KCNAB1: variants seen among roughly 807,000 people sequenced by gnomAD.
The protein encoded by KCNAB1 is voltage-gated potassium channel subunit beta-1.
A neutral mutation model predicts 64.6 loss-of-function variants in KCNAB1; 35 were observed. That is an observed-to-expected ratio of 0.54 (90% CI 0.41 to 0.72). The LOEUF (loss-of-function observed/expected upper bound fraction) is 0.72, where lower values mean the gene tolerates loss of function less well. Among genes scored for constraint, KCNAB1 ranks in the 30% least tolerant of loss-of-function variants. The pLI, the probability that KCNAB1 is intolerant of heterozygous loss-of-function variation, is 0.00. For missense variants in KCNAB1, 401 were observed against 512.9 expected (o/e 0.78, Z 2.11); for synonymous variants, 177 against 183.8 (o/e 0.96, Z 0.30).
At chr3:156,472,425 C>T (rs1004678469) in intron 7 of KCNAB1, among the ~76,000 whole-genome samples, 5 of 152,162 alleles carry the variant, frequency 3.3e-5, no homozygotes, top group Admixed American at 2.0e-4. Flanking sequence ...CCTCCTCACT[C>T]GACCCTCCCC....
chr3:156,143,569 G>GTTTTTTTGTT lies in KCNAB1; in HGVS notation c.275+22690_275+22691insGTTTTTTTTT, dbSNP rs1553807970. 469 of 296,882 alleles carry GTTTTTTTGTT rather than the reference G, an allele frequency of 1.6e-3. 4 individuals are homozygous for GTTTTTTTGTT. The highest frequency in any genetic ancestry group is 1.9e-3 in the Non-Finnish European group (328 of 171,436). 18.4% of individuals were successfully genotyped at this position (296,882 alleles called of 1,614,324 possible). ...AGCCCTCTTCTTGGGTTGCATTCTT[G>GTTTTTTTGTT]TTTTTTTTTTTTTTTTTTTTTTTTT... On this transcript the variant is annotated intron_variant, in intron 1 of 13. Transcript: ENST00000490337.
chr3:156,250,669 T>C (rs1348270049), intron 1 of KCNAB1, among the ~76,000 whole-genome samples: 1 of 152,182 alleles, frequency 6.6e-6, no homozygotes, highest in African/African-American at 2.4e-5. Context: ...GCTACATTCC[T>C]GGGTCTGAGC....
intron 1 of KCNAB1, among the ~76,000 whole-genome samples, chr3:156,214,638 T>C (rs1041016601): frequency 1.3e-5 from 2 of 152,206 alleles, no homozygotes; most frequent in Admixed American, 6.5e-5. Context: ...AGGTAGGGCA[T>C]TCAGCTAAAT....
At chr3:156,440,877 A>G (rs1173008025) in intron 2 of KCNAB1, among the ~76,000 whole-genome samples, 1 of 152,200 alleles carries the variant, frequency 6.6e-6, no homozygotes. Context: ...TTTGAGTGTA[A>G]TATGGTTGGG....
intron 8 of KCNAB1, among the ~76,000 whole-genome samples, chr3:156,494,818 T>G (rs1424467326): frequency 1.3e-5 from 2 of 152,202 alleles, no homozygotes; most frequent in African/African-American, 4.8e-5. Flanking sequence ...TGTCAAAGCC[T>G]CTTGATCTAT....
chr3:156,320,648 G>T (rs1208723509), intron 1 of KCNAB1, among the ~76,000 whole-genome samples: 1 of 152,150 alleles, frequency 6.6e-6, no homozygotes, highest in Non-Finnish European at 1.5e-5. Flanking sequence ...AGAGGGGAGA[G>T]TACCAGGAAT....
chr3:156,334,345 G>A (rs1192096009), intron 1 of KCNAB1, among the ~76,000 whole-genome samples: 1 of 152,164 alleles, frequency 6.6e-6, no homozygotes, highest in African/African-American at 2.4e-5. Context: ...TTTGACAAAT[G>A]AATGTGTTGA....
chr3:156,145,540 TCTTA>T lies in KCNAB1; in HGVS notation c.275+24658_275+24661del, dbSNP rs1160532205. Among the ~76,000 whole-genome samples, 10 of 152,314 alleles carry T rather than the reference TCTTA, an allele frequency of 6.6e-5. No individual in the cohort carries two copies. In the East Asian group the frequency reaches 1.9e-3, roughly 29 times the overall value. ...TTAAGAGAGAAGCTGACTTTCATATTCTTACTTCTTTATTATGATTTTTCCCCCT... is the reference window on the plus strand; with the variant it reads ...TTAAGAGAGAAGCTGACTTTCATATTCTTCTTTATTATGATTTTTCCCCCT... On this transcript the variant is annotated intron_variant, in intron 1 of 13. Transcript: ENST00000490337.
intron 1 of KCNAB1, among the ~76,000 whole-genome samples, chr3:156,232,827 TA>T (rs1389218924): frequency 2.0e-5 from 3 of 152,218 alleles, no homozygotes. Context: ...GTCACCATTC[TA>T]AAAATAAAAT....
chr3:156,211,454 A>G (rs747016334), intron 1 of KCNAB1, among the ~76,000 whole-genome samples: 3 of 152,206 alleles, frequency 2.0e-5, no homozygotes, highest in Non-Finnish European at 4.4e-5. Flanking sequence ...TCGTCTGGAT[A>G]TTATCAAAAC....
In KCNAB1 at chr3:156,310,743, G is replaced by A. The variant is rs569712192; in HGVS notation, c.276-110873G>A. On this transcript the variant is annotated intron_variant, in intron 1 of 13. Transcript: ENST00000490337. ...GGCGTGAACTCAGGAGGCGGAGCTT[G>A]CAGTGAGCTGAGATTGCGCCACTGC... Among the ~76,000 whole-genome samples the A allele has an allele frequency of 7.9e-4, 120 of 152,300 alleles. 4 individuals are homozygous for A. In the South Asian group the frequency reaches 0.024, roughly 31 times the overall value.
intron 8 of KCNAB1, among the ~76,000 whole-genome samples, chr3:156,488,525 C>T (rs1715380528): frequency 6.6e-6 from 1 of 151,958 alleles, no homozygotes; most frequent in Non-Finnish European, 1.5e-5. Context: ...GTGGCTGCAG[C>T]AGAGTAAGGA....
chr3:156,158,146 C>CA (rs1715836029), intron 1 of KCNAB1, among the ~76,000 whole-genome samples: 1 of 135,196 alleles, frequency 7.4e-6, no homozygotes, highest in Non-Finnish European at 1.5e-5. Flanking sequence ...GCCTGGGTGA[C>CA]AGAGCGAAAC....
At chr3:156,395,645 A>G (rs1177427118) in intron 1 of KCNAB1, among the ~76,000 whole-genome samples, 1 of 148,410 alleles carries the variant, frequency 6.7e-6, no homozygotes, top group Non-Finnish European at 1.5e-5. Flanking sequence ...AAAGGAAGCT[A>G]GTGCTGCAAA....
At position 156,120,735 on chromosome 3, in the gene KCNAB1, G is replaced by A. The variant is rs1178932639; in HGVS notation, c.124G>A (p.Ala42Thr). 1.2e-6 allele frequency: 2 copies of A among 1,614,122 alleles called. No homozygotes were observed. The highest frequency in any genetic ancestry group is 1.7e-6 in the Non-Finnish European group (2 of 1,180,052). Reference sequence around the variant, plus strand: ...ATCTCCCAAGAAAGCCTCAGAAAACGCTAAAGACAGCAGCCTTAGTCCCTC... The same window carrying A: ...ATCTCCCAAGAAAGCCTCAGAAAACACTAAAGACAGCAGCCTTAGTCCCTC... ...DKSPKKASEN[A>T]KDSSLSPSGE... Residue 42 changes from alanine to threonine, a missense_variant, in exon 1 of 14, where the codon GCT (alanine) becomes ACT (threonine). Transcript: ENST00000490337.
At chr3:156,538,999 G>GTAAA (rs1291266573), downstream of KCNAB1, 1 of 144,866 alleles carries the variant, frequency 6.9e-6, no homozygotes, top group Non-Finnish European at 1.5e-5. Flanking sequence ...ATCTGTCATG[G>GTAAA]TAAATATACT....
intron 1 of KCNAB1, among the ~76,000 whole-genome samples, chr3:156,390,456 A>G (rs1160080506): frequency 2.0e-5 from 3 of 152,198 alleles, no homozygotes. Flanking sequence ...ATTAGTTTAG[A>G]GTCTTAAAAA....
At chr3:156,271,590 T>C (rs538981090) in intron 1 of KCNAB1, among the ~76,000 whole-genome samples, 1 of 152,344 alleles carries the variant, frequency 6.6e-6, no homozygotes, top group East Asian at 1.9e-4. Context: ...TCTGAATTCC[T>C]TCTCTGTGTT....
chr3:156,457,278 T>G, intron 3 of KCNAB1, 175 bp from the exon 4 acceptor site: 1 of 1,416,094 alleles, frequency 7.1e-7, no homozygotes, highest in Non-Finnish European at 9.2e-7. Context: ...AAAGAATACT[T>G]CTGTCCTATG....
Sources: gnomAD v4.1 joint callset for allele counts (sites outside exome capture counted in the v4.1 genomes callset) on GRCh38, gnomAD v4.1.1 for gene constraint, MANE v1.5 for transcripts, NCBI Gene and HGNC (gene_info 2026-07-23, HGNC 2026-07-21) for gene names.